The following PRKN variants were observed in gnomAD, a reference collection of about 807,000 sequenced individuals.
PRKN encodes the protein E3 ubiquitin-protein ligase parkin.
In PRKN, 56 loss-of-function variants were observed where a neutral mutation model predicts 59.5. The observed-to-expected ratio is 0.94, with a 90% CI of 0.76 to 1.18. The LOEUF (loss-of-function observed/expected upper bound fraction) is 1.18, where lower values mean the gene tolerates loss of function less well. Among genes scored for constraint, PRKN ranks in the 50% most tolerant of loss-of-function variants. The pLI is 0.00. For missense variants in PRKN, 657 were observed against 596.4 expected (o/e 1.10, Z -1.06); for synonymous variants, 250 against 222.1 (o/e 1.13, Z -1.12).
At chr6:161,453,403 T>A (rs961624039) in intron 9 of PRKN, among the ~76,000 whole-genome samples, 19 of 152,208 alleles carry the variant, frequency 1.2e-4, no homozygotes, top group African/African-American at 4.3e-4. Context: ...CACCTTGGCT[T>A]GTCTCTAGTA....
chr6:162,522,880 T>C lies in PRKN; in HGVS notation c.8-79407A>G, dbSNP rs181796549. Among the ~76,000 whole-genome samples, 11 of 152,190 alleles carry C rather than the reference T, an allele frequency of 7.2e-5. No individual in the cohort carries two copies. In the East Asian group the frequency reaches 9.7e-4, roughly 13 times the overall value. Reference sequence around the variant, plus strand: ...AAAAGAAGGCATTTCAGTTGGACCATAGAGCCTTGAAAAATGTAAATGATT... The same window carrying C: ...AAAAGAAGGCATTTCAGTTGGACCACAGAGCCTTGAAAAATGTAAATGATT... On this transcript the variant is annotated intron_variant, in intron 1 of 11. Coordinates refer to ENST00000366898, the MANE Select transcript of PRKN (RefSeq NM_004562.3).
intron 6 of PRKN, among the ~76,000 whole-genome samples, chr6:161,912,397 A>G (rs890853655): frequency 2.0e-5 from 3 of 151,752 alleles, no homozygotes; most frequent in African/African-American, 4.8e-5. Flanking sequence ...ATTCTTGGCA[A>G]AAGGCATGCC....
At chr6:162,385,854 C>A (rs981198991) in intron 2 of PRKN, among the ~76,000 whole-genome samples, 1 of 151,880 alleles carries the variant, frequency 6.6e-6, no homozygotes, top group Non-Finnish European at 1.5e-5. Flanking sequence ...TTATTCAGTT[C>A]GGTTTTTTCC....
At chr6:161,885,811 T>C (rs1392925431) in intron 6 of PRKN, among the ~76,000 whole-genome samples, 1 of 152,158 alleles carries the variant, frequency 6.6e-6, no homozygotes, top group Non-Finnish European at 1.5e-5. Flanking sequence ...AGTTAAGAAT[T>C]ACTGATATTC....
At chr6:161,751,531 G>A (rs948942194) in intron 7 of PRKN, among the ~76,000 whole-genome samples, 6 of 152,308 alleles carry the variant, frequency 3.9e-5, no homozygotes, top group Non-Finnish European at 8.8e-5. Flanking sequence ...CTTTAAAAGT[G>A]TGTGAGAACA....
chr6:162,611,390 C>T (rs778454548), intron 1 of PRKN, among the ~76,000 whole-genome samples: 2 of 152,092 alleles, frequency 1.3e-5, no homozygotes, highest in Admixed American at 1.3e-4. Flanking sequence ...GCTAGAGTTT[C>T]GAAAAACAAC....
chr6:162,650,515 G>A (rs953012124), intron 1 of PRKN, among the ~76,000 whole-genome samples: 2 of 147,700 alleles, frequency 1.4e-5, no homozygotes, highest in Non-Finnish European at 3.0e-5. Context: ...GGAGAATGGC[G>A]TGACCCCGGG....
At chr6:162,475,813 G>A (rs141437016) in intron 1 of PRKN, among the ~76,000 whole-genome samples, 1,056 of 152,300 alleles carry the variant, frequency 6.9e-3, no homozygotes, top group African/African-American at 0.012. Flanking sequence ...CTGCAGTGGC[G>A]CAATCTCAGC....
intron 1 of PRKN, among the ~76,000 whole-genome samples, chr6:162,618,544 G>A (rs777966828): frequency 6.6e-6 from 1 of 152,098 alleles, no homozygotes; most frequent in East Asian, 1.9e-4. Context: ...GGAAAGTAAA[G>A]GTTTTCTTCG....
intron 1 of PRKN, among the ~76,000 whole-genome samples, chr6:162,643,637 C>T (rs1778055041): frequency 6.6e-6 from 1 of 151,950 alleles, no homozygotes; most frequent in African/African-American, 2.4e-5. Context: ...TATCACTCAC[C>T]TCTAATAAAA....
At chr6:161,721,492 A>C (rs1467826189) in intron 7 of PRKN, among the ~76,000 whole-genome samples, 2 of 152,244 alleles carry the variant, frequency 1.3e-5, no homozygotes, top group African/African-American at 2.4e-5. Context: ...AGGACACTAG[A>C]GCTTTAAGGC....
At chr6:162,678,690 A>G (rs1779651441) in intron 1 of PRKN, among the ~76,000 whole-genome samples, 1 of 152,182 alleles carries the variant, frequency 6.6e-6, no homozygotes, top group African/African-American at 2.4e-5. Context: ...TAGTCTAAAT[A>G]TAACTCCTTT....
intron 1 of PRKN, among the ~76,000 whole-genome samples, chr6:162,652,605 T>C (rs1185595706): frequency 6.6e-6 from 1 of 152,084 alleles, no homozygotes; most frequent in Admixed American, 6.5e-5. Flanking sequence ...TATTTTAGAT[T>C]GCTTATTATT....
chr6:162,511,456 TAC>T (rs1258561462), intron 1 of PRKN, among the ~76,000 whole-genome samples: 1 of 152,112 alleles, frequency 6.6e-6, no homozygotes, highest in Non-Finnish European at 1.5e-5. Context: ...AAAAAATGTC[TAC>T]AGTGTTTTCC....
intron 1 of PRKN, among the ~76,000 whole-genome samples, chr6:162,614,659 T>C (rs1228487784): frequency 2.6e-5 from 4 of 152,208 alleles, no homozygotes; most frequent in African/African-American, 9.6e-5. Context: ...CACTAGACTC[T>C]ACTAGGCCAC....
intron 2 of PRKN, among the ~76,000 whole-genome samples, chr6:162,427,954 AGTACATC>A (rs1467285883): frequency 1.3e-5 from 2 of 152,188 alleles, no homozygotes; most frequent in Admixed American, 1.3e-4. Context: ...ATCAGAGAGC[AGTACATC>A]CATCGCTTCA....
chr6:162,262,532 T>TAGAGCATTCCAATTA lies in PRKN; in HGVS notation c.404_405insTAATTGGAATGCTCT (p.Gly135_Ser136insAsnTrpAsnAlaLeu). The TAGAGCATTCCAATTA allele has an allele frequency of 6.2e-7, 1 of 1,614,034 alleles. No individual in the cohort carries two copies. Among genetic ancestry groups the TAGAGCATTCCAATTA allele is most frequent in the Non-Finnish European group, 8.5e-7 (1 of 1,179,982 alleles). ...TTAGAGCATTCCAATTACCTGGACT[T>TAGAGCATTCCAATTA]CCAGCTGGTGGTGAGTCCTTCCTGC... On this transcript the variant is annotated inframe_insertion, in exon 3 of 12. Coordinates refer to ENST00000366898, the MANE Select transcript of PRKN (RefSeq NM_004562.3).
intron 2 of PRKN, among the ~76,000 whole-genome samples, chr6:162,410,072 T>C (rs968000439): frequency 6.6e-6 from 1 of 152,170 alleles, no homozygotes; most frequent in Non-Finnish European, 1.5e-5. Context: ...AGCTGCACAA[T>C]CTAGGCATTT....
intron 1 of PRKN, chr6:162,569,521 C>T (rs1057068870): frequency 2.3e-5 from 16 of 707,336 alleles, no homozygotes; most frequent in East Asian, 1.3e-4. Context: ...ATACAAAGAC[C>T]ACCAGCGCCT....
Sources: gnomAD v4.1 joint callset for allele counts (sites outside exome capture counted in the v4.1 genomes callset) on GRCh38, gnomAD v4.1.1 for gene constraint, MANE v1.5 for transcripts, NCBI Gene and HGNC (gene_info 2026-07-23, HGNC 2026-07-21) for gene names.